Variants in HYDIN observed in about 807,000 individuals in gnomAD.
The protein encoded by HYDIN is axonemal central pair apparatus protein HYDIN.
HYDIN carries 132 observed loss-of-function variants against 403.9 expected under a neutral mutation model. The ratio of observed to expected loss-of-function variants is 0.33; its 90% CI spans 0.28 to 0.38. HYDIN has a LOEUF of 0.38. HYDIN is among the 10% of genes least tolerant of loss of function. HYDIN has a pLI of 1.00. For missense variants in HYDIN, 2,827 were observed against 5,009.5 expected (o/e 0.56, Z 13.15); for synonymous variants, 1,202 against 1,891.7 (o/e 0.64, Z 9.46).
chr16:71,143,938 C>T lies in HYDIN; in HGVS notation c.842-6586G>A, dbSNP rs2085269114. On this transcript the variant is annotated intron_variant, in intron 7 of 85. Transcript: ENST00000393567. The stretch of plus-strand genomic sequence containing the variant: ...TATATTTAATAATAACACACCATCA[C>T]ACCTTTGGGGAAAAAGGTTACTTGC... Among the ~76,000 whole-genome samples, 3 of 152,296 alleles carry T rather than the reference C, an allele frequency of 2.0e-5. No homozygotes were observed. In the South Asian group the frequency reaches 6.2e-4, roughly 32 times the overall value.
chr16:71,230,658 A>T lies in HYDIN; in HGVS notation c.-120T>A, dbSNP rs3743953. The T allele has an allele frequency of 1.3e-6, 2 of 1,535,772 alleles. No homozygotes were observed. Among genetic ancestry groups the T allele is most frequent in the Admixed American group, 3.9e-5 (2 of 50,968 alleles). On this transcript the variant is annotated 5_prime_UTR_variant, in exon 1 of 86. Coordinates refer to ENST00000393567, the MANE Select transcript of HYDIN (RefSeq NM_001270974.2). ...CCCCGCCGCCGCTGAGGGGCTCCAT[A>T]CCCAGCTTGAAGCCGCCCGCACTCT...
At chr16:71,192,338 G>A (rs983008160) in intron 1 of HYDIN, among the ~76,000 whole-genome samples, 11 of 152,088 alleles carry the variant, frequency 7.2e-5, no homozygotes, top group African/African-American at 2.2e-4. Context: ...CCAGAATCAT[G>A]CCTTTCCCAT....
In HYDIN at chr16:70,809,855, G is replaced by A; in HGVS notation, c.14811C>T (p.Val4937=). The part of the protein sequence containing the change: ...LPEKPVHFQT[V]LGSSQIILVK... ...CAAGGATGATTTGGCTGCTGCCAAGGACAGTCTGGAAGTGAACAGGCTTTT... is the reference window on the plus strand; with the variant it reads ...CAAGGATGATTTGGCTGCTGCCAAGAACAGTCTGGAAGTGAACAGGCTTTT... The change falls in exon 85 of 86, where the codon GTC becomes GTT. Residue 4937 remains valine (V), a synonymous_variant. Coordinates refer to ENST00000393567, the MANE Select transcript of HYDIN (RefSeq NM_001270974.2). 6.2e-7 allele frequency: 1 copy of A among 1,614,228 alleles called. No individual in the cohort carries two copies. Among genetic ancestry groups the A allele is most frequent in the Non-Finnish European group, 8.5e-7 (1 of 1,180,040 alleles).
intron 83 of HYDIN, among the ~76,000 whole-genome samples, chr16:70,825,387 A>C (rs1214398583): frequency 1.3e-5 from 2 of 149,120 alleles, no homozygotes; most frequent in Non-Finnish European, 3.0e-5. Flanking sequence ...TGATCTTCTT[A>C]AAAAGCCCTG....
chr16:70,839,766 C>T (rs1471413371), intron 76 of HYDIN, among the ~76,000 whole-genome samples: 1 of 147,620 alleles, frequency 6.8e-6, no homozygotes. Flanking sequence ...CTCTTCAAAC[C>T]TCAGTTTCCA....
chr16:71,188,167 C>CT (rs59142142), intron 1 of HYDIN, among the ~76,000 whole-genome samples: 2 of 151,990 alleles, frequency 1.3e-5, no homozygotes, highest in East Asian at 1.9e-4. Flanking sequence ...GGATTTCTAT[C>CT]TTTTTCCCCC....
chr16:70,929,018 G>A (rs372840758), intron 45 of HYDIN, among the ~76,000 whole-genome samples: 68 of 151,930 alleles, frequency 4.5e-4, no homozygotes, highest in Non-Finnish European at 8.8e-4. Flanking sequence ...TGTTGGGCGC[G>A]GTGGCTCACA....
At chr16:71,229,521 T>C (rs2041187183) in intron 1 of HYDIN, among the ~76,000 whole-genome samples, 1 of 152,200 alleles carries the variant, frequency 6.6e-6, no homozygotes, top group African/African-American at 2.4e-5. Context: ...CTAATGTCCA[T>C]CAGCTGATGG....
chr16:71,037,491 T>A (rs1460310158), intron 18 of HYDIN, among the ~76,000 whole-genome samples: 1 of 151,768 alleles, frequency 6.6e-6, no homozygotes, highest in Admixed American at 6.6e-5. Flanking sequence ...CAAATCCAGG[T>A]GTTGCTGTGA....
intron 1 of HYDIN, among the ~76,000 whole-genome samples, chr16:71,192,623 T>C (rs896451800): frequency 6.6e-6 from 1 of 152,154 alleles, no homozygotes; most frequent in African/African-American, 2.4e-5. Flanking sequence ...TCTTTCCAGA[T>C]TCAGCTGTCA....
chr16:70,937,226 A>C (rs1043410463), intron 44 of HYDIN, among the ~76,000 whole-genome samples: 1 of 150,768 alleles, frequency 6.6e-6, no homozygotes, highest in Non-Finnish European at 1.5e-5. Context: ...TTCCAAGTCC[A>C]CCATGAGATG....
At position 70,850,497 on chromosome 16, in the gene HYDIN, G is replaced by A; in HGVS notation, c.12602C>T (p.Ser4201Phe). 5 of 1,602,152 alleles carry A rather than the reference G, an allele frequency of 3.1e-6. No homozygotes were observed. Among genetic ancestry groups the A allele is most frequent in the Non-Finnish European group, 3.4e-6 (4 of 1,173,120 alleles). ...CTGGTTGGGAGTCAACAGAGTGATG[G>A]AGCCTGTCCTGTCCTTGCACTTGAT... Reference protein sequence around the residue: ...VEIKCKDRTGSITLLTPNQTN... With the variant: ...VEIKCKDRTGFITLLTPNQTN... The change falls in exon 74 of 86, where the codon TCC becomes TTC. Residue 4201 changes from serine to phenylalanine, a missense_variant. Coordinates refer to ENST00000393567, the MANE Select transcript of HYDIN (RefSeq NM_001270974.2).
chr16:70,847,388 T>C (rs757966154), intron 75 of HYDIN, among the ~76,000 whole-genome samples: 2 of 152,236 alleles, frequency 1.3e-5, no homozygotes, highest in Non-Finnish European at 2.9e-5. Context: ...ACTGGTGATC[T>C]ATATTTCTTC....
rs377257326 is a variant in HYDIN, at chr16:71,108,104, T to C, written c.1327+7592A>G. 2.1e-4 allele frequency among the ~76,000 whole-genome samples: 32 copies of C among 151,946 alleles called. 1 individual carries two copies. Among genetic ancestry groups the C allele is most frequent in the African/African-American group, 7.5e-4 (31 of 41,396 alleles). Reference sequence around the variant, plus strand: ...AATACTGCATATTCTCACTTATAAGTGGGAGCTAAATGATGAGAACACACG... The same window carrying C: ...AATACTGCATATTCTCACTTATAAGCGGGAGCTAAATGATGAGAACACACG... On this transcript the variant is annotated intron_variant, in intron 10 of 85. Coordinates refer to ENST00000393567, the MANE Select transcript of HYDIN (RefSeq NM_001270974.2).
intron 18 of HYDIN, among the ~76,000 whole-genome samples, chr16:71,040,890 C>A (rs1403234759): frequency 7.9e-6 from 1 of 127,258 alleles, no homozygotes; most frequent in Non-Finnish European, 1.7e-5. Context: ...TTCTCCTTGG[C>A]CTTCAAGTCT....
chr16:70,896,165 C>T lies in HYDIN; in HGVS notation c.9049-85G>A, dbSNP rs149491206. ...AACATGTAATATCCTAACGGGGATA[C>T]GGCAGGGAACGTTTTGAAGTGTATT... On this transcript the variant is annotated intron_variant, in intron 53 of 85. Transcript: ENST00000393567. 80 of 1,526,594 alleles carry T rather than the reference C, an allele frequency of 5.2e-5. 1 individual carries two copies. The African/African-American group carries it at 5.8e-4, about 11-fold the overall frequency. 94.6% of individuals were successfully genotyped at this position (1,526,594 alleles called of 1,614,324 possible). A position where few individuals can be genotyped will look rare whatever the true frequency, so the allele number is the denominator to read the frequency against.
At chr16:71,037,821 C>T (rs1337100708) in intron 18 of HYDIN, among the ~76,000 whole-genome samples, 2 of 152,236 alleles carry the variant, frequency 1.3e-5, no homozygotes, top group Admixed American at 1.3e-4. Context: ...CTCGGCTAAC[C>T]TTGATCTCAG....
chr16:70,810,440 C>T (rs1489880131), intron 84 of HYDIN, among the ~76,000 whole-genome samples: 1 of 152,168 alleles, frequency 6.6e-6, no homozygotes, highest in African/African-American at 2.4e-5. Flanking sequence ...TATAGCAAAA[C>T]AAGGGAAACA....
chr16:70,986,746 T>C (rs1336483440), intron 27 of HYDIN, among the ~76,000 whole-genome samples: 2 of 131,688 alleles, frequency 1.5e-5, no homozygotes, highest in African/African-American at 2.9e-5. Context: ...GCCAAGGGAA[T>C]GTAAAGTAAA....
Sources: allele counts gnomAD v4.1 joint callset (sites outside exome capture counted in the v4.1 genomes callset), GRCh38; gene constraint gnomAD v4.1.1; transcripts MANE v1.5; gene names NCBI Gene and HGNC (gene_info 2026-07-23, HGNC 2026-07-21).